CEMIP2: variants seen among roughly 807,000 people sequenced by gnomAD.
The protein encoded by CEMIP2 is cell migration inducing hyaluronidase 2, also known as cell surface hyaluronidase CEMIP2.
A neutral mutation model predicts 146.9 loss-of-function variants in CEMIP2; 79 were observed. The ratio of observed to expected loss-of-function variants is 0.54; its 90% CI spans 0.45 to 0.65. The LOEUF (loss-of-function observed/expected upper bound fraction) is 0.65, where lower values mean the gene tolerates loss of function less well. Ranked by LOEUF, CEMIP2 falls within the 30% of genes least tolerant of loss-of-function variation. CEMIP2 has a pLI of 0.00. For synonymous variants in CEMIP2, 601 were observed against 606.3 expected (o/e 0.99, Z 0.13); for missense variants, 1,596 against 1,696.2 (o/e 0.94, Z 1.04).
At position 71,750,323 on chromosome 9, in the gene CEMIP2, C is replaced by T; in HGVS notation, c.51G>A (p.Gln17=). The T allele has an allele frequency of 1.2e-6, 2 of 1,613,754 alleles. No homozygotes were observed. The highest frequency in any genetic ancestry group is 1.7e-4 in the Middle Eastern group (1 of 6,060). Residue 17 remains glutamine (Q), a synonymous_variant, in exon 2 of 24, where the codon CAG becomes CAA. Coordinates refer to ENST00000377044, the MANE Select transcript of CEMIP2 (RefSeq NM_013390.3). The part of the protein sequence containing the change: ...RGHSPAFLQP[Q]NGNSRHPSGY... Reference sequence around the variant, plus strand: ...CAGATGGGTGACGACTATTTCCATTCTGAGGTTGGAGGAAAGCAGGGGAGT... The same window carrying T: ...CAGATGGGTGACGACTATTTCCATTTTGAGGTTGGAGGAAAGCAGGGGAGT...
At chr9:71,712,297 C>G in intron 15 of CEMIP2, 37 bp from the exon 16 acceptor site, 1 of 1,594,058 alleles carries the variant, frequency 6.3e-7, no homozygotes, top group South Asian at 1.1e-5. Flanking sequence ...TGCATATGGG[C>G]TGTCCCCTTA....
upstream of CEMIP2, chr9:71,768,870 G>A (rs1163926134): frequency 1.3e-5 from 2 of 148,650 alleles, no homozygotes; most frequent in African/African-American, 2.5e-5. Context: ...CAAGCAGCCC[G>A]GCTCGGCTGG....
chr9:71,715,840 G>T (rs1446723307), intron 14 of CEMIP2, among the ~76,000 whole-genome samples: 1 of 151,362 alleles, frequency 6.6e-6, no homozygotes, highest in African/African-American at 2.4e-5. Flanking sequence ...TGCTCAGGCT[G>T]GTCTCAAACT....
At chr9:71,764,514 G>C (rs1824730016) in intron 1 of CEMIP2, among the ~76,000 whole-genome samples, 1 of 151,376 alleles carries the variant, frequency 6.6e-6, no homozygotes, top group Non-Finnish European at 1.5e-5. Flanking sequence ...TAATTATTTA[G>C]CCTCTCTGGG....
chr9:71,721,069 C>T (rs1392497012), intron 12 of CEMIP2, among the ~76,000 whole-genome samples: 1 of 151,960 alleles, frequency 6.6e-6, no homozygotes, highest in Non-Finnish European at 1.5e-5. Flanking sequence ...TATACACATA[C>T]ACATTACTAT....
intron 8 of CEMIP2, 51 bp downstream of exon 8, chr9:71,730,654 G>T: frequency 6.4e-7 from 1 of 1,561,834 alleles, no homozygotes; most frequent in Non-Finnish European, 8.8e-7. Flanking sequence ...GAGAATTAAA[G>T]AGAGTTAACT....
intron 1 of CEMIP2, among the ~76,000 whole-genome samples, chr9:71,760,528 CCTAT>C (rs941750647): frequency 2.6e-5 from 4 of 151,206 alleles, no homozygotes; most frequent in African/African-American, 9.7e-5. Flanking sequence ...ACTAATTAAT[CCTAT>C]CTTTTTCCAA....
intron 10 of CEMIP2, among the ~76,000 whole-genome samples, chr9:71,727,749 T>C (rs1036549453): frequency 6.6e-6 from 1 of 152,246 alleles, no homozygotes; most frequent in Non-Finnish European, 1.5e-5. Context: ...ACAATCTCGA[T>C]AGCATACTAT....
Position 71,685,278 on chromosome 9 carries a change from C to T in CEMIP2, c.4071G>A (p.Leu1357=), listed in dbSNP as rs1467427659. 1 of 1,613,032 alleles carries T rather than the reference C, an allele frequency of 6.2e-7. No homozygotes were observed. Among genetic ancestry groups the T allele is most frequent in the Non-Finnish European group, 8.5e-7 (1 of 1,179,918 alleles). Residue 1357 remains leucine, a synonymous_variant, in exon 24 of 24, where the codon CTG becomes CTA. Transcript: ENST00000377044. ...TGGCTCTGGGACAACCATATTCGTC[C>T]AGCTGCAAAGGTATGAATTGTTCAA... The part of the protein sequence containing the change: ...GVLEQFIPLQ[L]DEYGCPRATT...
At chr9:71,716,127 AGTTTAGTTCTTAAAGAACTAAAC>A (rs1823050087) in intron 14 of CEMIP2, among the ~76,000 whole-genome samples, 1 of 152,142 alleles carries the variant, frequency 6.6e-6, no homozygotes, top group Admixed American at 6.5e-5. Context: ...CAGAACAAAA[AGTTTAGTTCTTAAAGAACTAAAC>A]TTGCTAAATT....
intron 1 of CEMIP2, among the ~76,000 whole-genome samples, chr9:71,753,414 C>T (rs1024210134): frequency 1.3e-5 from 2 of 152,112 alleles, no homozygotes; most frequent in Non-Finnish European, 2.9e-5. Context: ...TGGATCCCAA[C>T]ATGAAAATTC....
In CEMIP2 at chr9:71,704,795, T is replaced by C. The variant is rs1446215754; in HGVS notation, c.2994A>G (p.Val998=). Residue 998 remains valine (V), a synonymous_variant, in exon 18 of 24, where the codon GTA becomes GTG. Coordinates refer to ENST00000377044, the MANE Select transcript of CEMIP2 (RefSeq NM_013390.3). ...ICSGTYAQVY[V]QTWSTQNLSM... is the part of the protein sequence containing the mutation. ...AAAGATTCTGAGTGCTCCATGTCTG[T>C]ACATAGACCTTGAAAAAATAATCAA... The C allele has an allele frequency of 6.2e-7, 1 of 1,612,844 alleles. No individual in the cohort carries two copies. Among genetic ancestry groups the C allele is most frequent in the Admixed American group, 1.7e-5 (1 of 59,926 alleles).
rs772208577 is a variant in CEMIP2 at position 71,740,150 on chromosome 9, T to A, written c.1117A>T (p.Ser373Cys). ...ESVRNYENHS[S>C]GGKALAQREF... is the part of the protein sequence containing the mutation. The stretch of plus-strand genomic sequence containing the variant: ...CTTTGGGCAAGAGCCTTCCCGCCAC[T>A]GCTATGATTTTCATAGTTTCTCACG... The change falls in exon 5 of 24, where the codon AGT becomes TGT. Residue 373 changes from serine to cysteine, a missense_variant. By Grantham distance (112) the Ser-to-Cys change is moderately radical. Coordinates refer to ENST00000377044, the MANE Select transcript of CEMIP2 (RefSeq NM_013390.3). 6.2e-7 allele frequency: 1 copy of A among 1,614,142 alleles called. No homozygotes were observed. Among genetic ancestry groups the A allele is most frequent in the Non-Finnish European group, 8.5e-7 (1 of 1,180,016 alleles).
chr9:71,698,018 G>A lies in CEMIP2; in HGVS notation c.3564C>T (p.Leu1188=). The A allele has an allele frequency of 6.2e-7, 1 of 1,614,150 alleles. No individual in the cohort carries two copies. Among genetic ancestry groups the A allele is most frequent in the Non-Finnish European group, 8.5e-7 (1 of 1,180,034 alleles). The part of the protein sequence containing the change: ...PSVVKRMPAM[L]TGLCQGCGTR... ...TGCCACAGCCTTGACAGAGTCCAGTGAGCATGGCCGGCATCCGCTTGACCA... is the reference window on the plus strand; with the variant it reads ...TGCCACAGCCTTGACAGAGTCCAGTAAGCATGGCCGGCATCCGCTTGACCA... Residue 1188 remains leucine (L), a synonymous_variant, in exon 20 of 24, where the codon CTC becomes CTT. Coordinates refer to ENST00000377044, the MANE Select transcript of CEMIP2 (RefSeq NM_013390.3).
rs748793294 is a variant in CEMIP2, at chr9:71,715,099, T to C, written c.2436-10A>G. On this transcript the variant is annotated splice_polypyrimidine_tract_variant and intron_variant, in intron 14 of 23. Coordinates refer to ENST00000377044, the MANE Select transcript of CEMIP2 (RefSeq NM_013390.3). ...TGGGAAGCTTCCATCACTGTTAAAA[T>C]GCGAACAATCATTAGCTACATTTCT... 13 of 1,612,776 alleles carry C rather than the reference T, an allele frequency of 8.1e-6. No homozygotes were observed. The East Asian group carries it at 2.5e-4, about 30-fold the overall frequency.
chr9:71,764,081 T>C (rs1402341303), intron 1 of CEMIP2, among the ~76,000 whole-genome samples: 1 of 152,254 alleles, frequency 6.6e-6, no homozygotes, highest in Non-Finnish European at 1.5e-5. Flanking sequence ...GCTTTTATTC[T>C]ATGATTCACA....
At chr9:71,729,480 G>A (rs1017927887) in intron 10 of CEMIP2, among the ~76,000 whole-genome samples, 11 of 152,112 alleles carry the variant, frequency 7.2e-5, no homozygotes, top group East Asian at 1.9e-4. Context: ...TTAGCTGGGC[G>A]TGGTAGCAGG....
At chr9:71,761,757 T>C (rs1824643624) in intron 1 of CEMIP2, among the ~76,000 whole-genome samples, 1 of 151,990 alleles carries the variant, frequency 6.6e-6, no homozygotes, top group South Asian at 2.1e-4. Context: ...AGCCCAGCAT[T>C]TGGGGGTAGA....
intron 11 of CEMIP2, among the ~76,000 whole-genome samples, chr9:71,723,297 T>C (rs1823295110): frequency 6.6e-6 from 1 of 150,898 alleles, no homozygotes; most frequent in Non-Finnish European, 1.5e-5. Context: ...TGTAACCAAC[T>C]GCAAGTTAAG....
Sources: gnomAD v4.1 joint callset for allele counts (sites outside exome capture counted in the v4.1 genomes callset) on GRCh38, gnomAD v4.1.1 for gene constraint, MANE v1.5 for transcripts, NCBI Gene and HGNC (gene_info 2026-07-23, HGNC 2026-07-21) for gene names.